ADAMTS1: variants seen among roughly 807,000 people sequenced by gnomAD.
ADAMTS1 encodes the protein A disintegrin and metalloproteinase with thrombospondin motifs 1.
In ADAMTS1, 19 loss-of-function variants were observed where a neutral mutation model predicts 87.9. That is an observed-to-expected ratio of 0.22 (90% CI 0.15 to 0.32). The LOEUF (loss-of-function observed/expected upper bound fraction) is 0.32, where lower values mean the gene tolerates loss of function less well. Among genes scored for constraint, ADAMTS1 ranks in the 10% least tolerant of loss-of-function variants. The pLI is 1.00. For synonymous variants in ADAMTS1, 542 were observed against 501.8 expected (o/e 1.08, Z -1.07); for missense variants, 1,240 against 1,259.1 (o/e 0.98, Z 0.23).
At chr21:26,838,799 T>A in intron 7 of ADAMTS1, 185 bp from the exon 8 acceptor site, 1 of 527,494 alleles carries the variant, frequency 1.9e-6, no homozygotes, top group Non-Finnish European at 3.3e-6. Flanking sequence ...CGTATAGACA[T>A]CTGAAGAAAT....
At chr21:26,843,515 AG>A (rs1191933501) in intron 1 of ADAMTS1, 1 of 377,506 alleles carries the variant, frequency 2.6e-6, no homozygotes, top group Non-Finnish European at 5.4e-6. Context: ...CACAGAGAGA[AG>A]GCCGTAGCAG....
At position 26,844,344 on chromosome 21, in the gene ADAMTS1, T is replaced by G. The variant is rs1480944984; in HGVS notation, c.611A>C (p.Glu204Ala). 1 of 1,604,720 alleles carries G rather than the reference T, an allele frequency of 6.2e-7. No individual in the cohort carries two copies. The highest frequency in any genetic ancestry group is 8.5e-7 in the Non-Finnish European group (1 of 1,177,684). The change falls in exon 1 of 9, where the codon GAG becomes GCG. Residue 204 changes from glutamate to alanine, a missense_variant. By Grantham distance (107) the Glu-to-Ala change is moderately radical. Around this residue, in one of 3 missense-constraint regions of ADAMTS1, gnomAD observed 521 missense variants for 449.7 expected, o/e 1.16. Coordinates refer to ENST00000284984, the MANE Select transcript of ADAMTS1 (RefSeq NM_006988.5). ...VGGTCGVVDD[E>A]PRPTGKAETE... is the part of the protein sequence containing the mutation. ...CTCCGCTTTCCCAGTCGGCCGGGGCTCGTCGTCCACGACCCCGCACGTGCC... is the reference window on the plus strand; with the variant it reads ...CTCCGCTTTCCCAGTCGGCCGGGGCGCGTCGTCCACGACCCCGCACGTGCC...
rs1216414944 is a variant in ADAMTS1 at position 26,844,746 on chromosome 21, C to T, written c.209G>A (p.Gly70Glu). ...LVVPELERAP[G>E]HGTTRLRLHA... Reference sequence around the variant, plus strand: ...CAGGCGGAGGCGCGTGGTCCCGTGTCCCGGGGCGCGCTCCAGCTCCGGCAC... The same window carrying T: ...CAGGCGGAGGCGCGTGGTCCCGTGTTCCGGGGCGCGCTCCAGCTCCGGCAC... The change falls in exon 1 of 9, where the codon GGA becomes GAA. Residue 70 changes from glycine (G) to glutamate (E), a missense_variant. Around this residue, in one of 3 missense-constraint regions of ADAMTS1, gnomAD observed 521 missense variants for 449.7 expected, o/e 1.16. Transcript: ENST00000284984. 3 of 1,562,920 alleles carry T rather than the reference C, an allele frequency of 1.9e-6. No individual in the cohort carries two copies. Among genetic ancestry groups the T allele is most frequent in the Non-Finnish European group, 2.6e-6 (3 of 1,151,206 alleles).
chr21:26,837,527 C>G lies in ADAMTS1; in HGVS notation c.*52G>C. On this transcript the variant is annotated 3_prime_UTR_variant, in exon 9 of 9. Coordinates refer to ENST00000284984, the MANE Select transcript of ADAMTS1 (RefSeq NM_006988.5). Reference sequence around the variant, plus strand: ...CTCCAGCCTTCTTGCTTTCCCTGCACCAGCCCTTCCTCACTTTGCCTTGCC... The same window carrying G: ...CTCCAGCCTTCTTGCTTTCCCTGCAGCAGCCCTTCCTCACTTTGCCTTGCC... 1.3e-6 allele frequency: 2 copies of G among 1,540,540 alleles called. No individual in the cohort carries two copies. Among genetic ancestry groups the G allele is most frequent in the Non-Finnish European group, 1.8e-6 (2 of 1,121,488 alleles).
rs145309089 is a variant in ADAMTS1, at chr21:26,841,796, A to C, written c.1210+62T>G. 523 of 1,548,276 alleles carry C rather than the reference A, an allele frequency of 3.4e-4. 2 individuals are homozygous for C. In the African/African-American group the frequency reaches 6.4e-3, roughly 19 times the overall value. Reference sequence around the variant, plus strand: ...ATATAACCTACAGACTCTCCTTCTTATATTGTTTTACCAGTTTACATTTCT... The same window carrying C: ...ATATAACCTACAGACTCTCCTTCTTCTATTGTTTTACCAGTTTACATTTCT... On this transcript the variant is annotated intron_variant, in intron 3 of 8. Transcript: ENST00000284984.
chr21:26,844,004 G>GT (rs1337724363), intron 1 of ADAMTS1, among the ~76,000 whole-genome samples: 2 of 152,190 alleles, frequency 1.3e-5, no homozygotes, highest in Non-Finnish European at 2.9e-5. Context: ...TCGTTTGTCA[G>GT]TTTTTTTCTT....
chr21:26,835,993 C>T lies in ADAMTS1; in HGVS notation c.*1586G>A, dbSNP rs945591964. On this transcript the variant is annotated 3_prime_UTR_variant, in exon 9 of 9. Transcript: ENST00000284984. ...GATTGACAAAGTTGCAAATATTTAC[C>T]ATTTGGCTTTTTACAAAAGAAGTTT... 6 of 152,104 alleles carry T rather than the reference C, an allele frequency of 3.9e-5. No homozygotes were observed. The highest frequency in any genetic ancestry group is 1.4e-4 in the African/African-American group (6 of 41,400). The allele number at this position is 152,104 out of a possible 1,614,324, so 9.4% of individuals were successfully genotyped here.
rs563347042 is a variant in ADAMTS1 at position 26,843,378 on chromosome 21, CT to C, written c.731-694del. On this transcript the variant is annotated intron_variant, in intron 1 of 8. Coordinates refer to ENST00000284984, the MANE Select transcript of ADAMTS1 (RefSeq NM_006988.5). ...AAAGTCCTAAACTGGGCTGCGACCA[CT>C]TTGCTCCCAGGAGCAGAGGAGCAGG... The C allele has an allele frequency of 4.2e-4, 182 of 432,554 alleles. 1 individual carries two copies. The highest frequency in any genetic ancestry group is 3.6e-3 in the African/African-American group (174 of 48,250). 26.8% of individuals were successfully genotyped at this position (432,554 alleles called of 1,614,324 possible).
Position 26,844,421 on chromosome 21 carries a change from C to T in ADAMTS1, c.534G>A (p.Pro178=). The part of the protein sequence containing the change: ...LATAAPGEKP[P]APLQFHLLRR... ...GCAGGAGGTGGAACTGTAGTGGTGC[C>T]GGCGGCTTCTCCCCTGGGGCGGCGG... The change falls in exon 1 of 9, where the codon CCG becomes CCA. Residue 178 remains proline, a synonymous_variant. Transcript: ENST00000284984. 3 of 1,588,846 alleles carry T rather than the reference C, an allele frequency of 1.9e-6. No homozygotes were observed. Among genetic ancestry groups the T allele is most frequent in the South Asian group, 2.3e-5 (2 of 88,118 alleles).
At position 26,842,476 on chromosome 21, in the gene ADAMTS1, C is replaced by T. The variant is rs373846648; in HGVS notation, c.940G>A (p.Asp314Asn). The T allele has an allele frequency of 3.7e-6, 6 of 1,614,086 alleles. No individual in the cohort carries two copies. Among genetic ancestry groups the T allele is most frequent in the African/African-American group, 1.3e-5 (1 of 74,998 alleles). ...LVVVKILVIHDEQKGPEVTSN... is the reference protein window; with the variant it reads ...LVVVKILVIHNEQKGPEVTSN... ...GTCACTTCCGGCCCCTTCTGTTCAT[C>T]GTGGATGACCAAGATCTTCACCACC... The change falls in exon 2 of 9, where the codon GAT (aspartate) becomes AAT (asparagine). Residue 314 changes from aspartate to asparagine, a missense_variant. Asp to Asn is a conservative substitution (Grantham distance 23). This residue lies in a region of ADAMTS1 where 521 missense variants were observed against 449.7 expected (regional missense o/e 1.16). Coordinates refer to ENST00000284984, the MANE Select transcript of ADAMTS1 (RefSeq NM_006988.5).
Position 26,838,018 on chromosome 21 carries a change from G to A in ADAMTS1, c.2465C>T (p.Thr822Ile). The change falls in exon 9 of 9, where the codon ACC (threonine) becomes ATC (isoleucine). Residue 822 changes from threonine (T) to isoleucine (I), a missense_variant. Coordinates refer to ENST00000284984, the MANE Select transcript of ADAMTS1 (RefSeq NM_006988.5). ...ATTGCCCACAGTAAGAACCTGGATG[G>A]TCAAGGGCTCTTTGAGAGGGCTAAA... is the stretch of plus-strand genomic sequence containing the variant. Reference protein sequence around the residue: ...RSFSPLKEPLTIQVLTVGNAL... With the variant: ...RSFSPLKEPLIIQVLTVGNAL... The A allele has an allele frequency of 6.2e-7, 1 of 1,614,208 alleles. No homozygotes were observed. Among genetic ancestry groups the A allele is most frequent in the East Asian group, 2.2e-5 (1 of 44,886 alleles).
Position 26,839,991 on chromosome 21 carries a change from A to C in ADAMTS1, c.1736T>G (p.Val579Gly). Residue 579 changes from valine (V) to glycine (G), a missense_variant, in exon 6 of 9, where the codon GTC becomes GGC. Around this residue, in one of 3 missense-constraint regions of ADAMTS1, gnomAD observed 317 missense variants for 410.3 expected, o/e 0.77. Coordinates refer to ENST00000284984, the MANE Select transcript of ADAMTS1 (RefSeq NM_006988.5). ...GDCSRTCGGGVQYTMRECDNP... is the reference protein window; with the variant it reads ...GDCSRTCGGGGQYTMRECDNP... Reference sequence around the variant, plus strand: ...GTCACATTCCCTCATCGTGTACTGGACTCCTCCACCGCACGTTCTCGAACA... The same window carrying C: ...GTCACATTCCCTCATCGTGTACTGGCCTCCTCCACCGCACGTTCTCGAACA... 6.2e-7 allele frequency: 1 copy of C among 1,613,574 alleles called. No homozygotes were observed. The highest frequency in any genetic ancestry group is 1.1e-5 in the South Asian group (1 of 91,062).
intron 1 of ADAMTS1, chr21:26,843,365 T>C: frequency 2.4e-6 from 1 of 422,016 alleles, no homozygotes; most frequent in Admixed American, 2.8e-5. Context: ...AGTCCTAAAC[T>C]GGGCTGCGAC....
In ADAMTS1 at chr21:26,844,885, C is replaced by G. The variant is rs1156937433; in HGVS notation, c.70G>C (p.Ala24Pro). 2 of 1,536,154 alleles carry G rather than the reference C, an allele frequency of 1.3e-6. No homozygotes were observed. The highest frequency in any genetic ancestry group is 1.8e-6 in the Non-Finnish European group (2 of 1,142,486). ...LGSDMGNAERAPGSRSFGPVP... is the reference protein window; with the variant it reads ...LGSDMGNAERPPGSRSFGPVP... ...GGCCCAAAGCTCCGAGACCCCGGAG[C>G]CCGCTCCGCGTTCCCCATGTCGCTG... Residue 24 changes from alanine to proline, a missense_variant, in exon 1 of 9, where the codon GCT becomes CCT. Physicochemically the swap from Ala to Pro is conservative, Grantham distance 27. Coordinates refer to ENST00000284984, the MANE Select transcript of ADAMTS1 (RefSeq NM_006988.5).
chr21:26,837,637 T>C lies in ADAMTS1; in HGVS notation c.2846A>G (p.Asp949Gly). ...GAAATGTTTAGGTTTCTTTAAAGGA[T>C]CACAGCTCTCATGAGATAACACCCC... ...DGGVLSHESC[D>G]PLKKPKHFID... The change falls in exon 9 of 9, where the codon GAT becomes GGT. Residue 949 changes from aspartate to glycine, a missense_variant. Transcript: ENST00000284984. 3.1e-6 allele frequency: 5 copies of C among 1,614,218 alleles called. No individual in the cohort carries two copies. The highest frequency in any genetic ancestry group is 4.2e-6 in the Non-Finnish European group (5 of 1,180,048).
intron 1 of ADAMTS1, chr21:26,843,664 C>G (rs1033051372): frequency 4.3e-6 from 2 of 469,114 alleles, no homozygotes; most frequent in Non-Finnish European, 8.8e-6. Context: ...GCCTTCAGCC[C>G]GCCTGGGTCA....
chr21:26,844,256 G>A lies in ADAMTS1; in HGVS notation c.699C>T (p.Asp233=). ...GCTGTCCTACGCCTTGCAGTGCCGGGTCCTGCGGCGACCACTGAGCCCCTT... is the reference window on the plus strand; with the variant it reads ...GCTGTCCTACGCCTTGCAGTGCCGGATCCTGCGGCGACCACTGAGCCCCTT... ...EDEGAQWSPQ[D]PALQGVGQPT... The change falls in exon 1 of 9, where the codon GAC becomes GAT. Residue 233 remains aspartate (D), a synonymous_variant. Coordinates refer to ENST00000284984, the MANE Select transcript of ADAMTS1 (RefSeq NM_006988.5). 2.5e-6 allele frequency: 4 copies of A among 1,582,232 alleles called. No homozygotes were observed. The highest frequency in any genetic ancestry group is 2.6e-6 in the Non-Finnish European group (3 of 1,164,524).
At position 26,836,225 on chromosome 21, in the gene ADAMTS1, T is replaced by C. The variant is rs1190962647; in HGVS notation, c.*1354A>G. The C allele has an allele frequency of 6.6e-6, 1 of 152,214 alleles. No homozygotes were observed. The highest frequency in any genetic ancestry group is 1.5e-5 in the Non-Finnish European group (1 of 68,022). The allele number at this position is 152,214 out of a possible 1,614,324, so 9.4% of individuals were successfully genotyped here. A position where few individuals can be genotyped will look rare whatever the true frequency, so the allele number is the denominator to read the frequency against. The stretch of plus-strand genomic sequence containing the variant: ...AAAATAATTCGGTCTTCAGATTCAA[T>C]ATTTGTGCCTCAGGTTTCCTTCCTA... On this transcript the variant is annotated 3_prime_UTR_variant, in exon 9 of 9. Transcript: ENST00000284984.
chr21:26,840,900 G>A (rs1340993913), intron 4 of ADAMTS1, 98 bp downstream of exon 4: 13 of 1,386,870 alleles, frequency 9.4e-6, no homozygotes, highest in Non-Finnish European at 1.1e-5. Context: ...TTTTGAAGTG[G>A]GGAAAATAAA....
Sources: allele counts gnomAD v4.1 joint callset (sites outside exome capture counted in the v4.1 genomes callset), GRCh38; gene constraint gnomAD v4.1.1; regional missense constraint gnomAD v4.1.1; transcripts MANE v1.5; gene names NCBI Gene and HGNC (gene_info 2026-07-23, HGNC 2026-07-21).